ERBB4: variants seen among roughly 807,000 people sequenced by gnomAD.
ERBB4 encodes the protein receptor tyrosine-protein kinase erbB-4.
A neutral mutation model predicts 158.0 loss-of-function variants in ERBB4; 42 were observed. That is an observed-to-expected ratio of 0.27 (90% confidence interval 0.21 to 0.34). ERBB4 has a LOEUF of 0.34. Among genes scored for constraint, ERBB4 ranks in the 10% least tolerant of loss-of-function variants. ERBB4 has a pLI of 1.00. For missense variants in ERBB4, 1,333 were observed against 1,624.1 expected, an observed-to-expected ratio of 0.82 and a Z score of 3.08; for synonymous variants, 583 against 558.7, an observed-to-expected ratio of 1.04 and a Z score of -0.61.
At position 211,711,950 on chromosome 2, in the gene ERBB4, A is replaced by G. The variant is rs1049894126; in HGVS notation, c.1124+100T>C. 1.3e-5 allele frequency: 13 copies of G among 1,026,588 alleles called. No individual in the cohort carries two copies. The Admixed American group carries it at 2.5e-4, about 20-fold the overall frequency. 63.6% of individuals were successfully genotyped at this position (1,026,588 alleles called of 1,614,324 possible). On this transcript the variant is annotated intron_variant, in intron 9 of 27. Transcript: ENST00000342788. ...GTGAGGAGCATTAATGAAAGGTGAA[A>G]CTCTTCAGCTTCCAGAGGAATCAAA...
intron 2 of ERBB4, among the ~76,000 whole-genome samples, chr2:212,075,110 T>C (rs1475543242): frequency 6.6e-6 from 1 of 151,910 alleles, no homozygotes; most frequent in Non-Finnish European, 1.5e-5. Flanking sequence ...CATAAAACAA[T>C]TTAAGAAAGT....
At chr2:211,409,518 C>T (rs1418621158) in intron 25 of ERBB4, among the ~76,000 whole-genome samples, 2 of 152,118 alleles carry the variant, frequency 1.3e-5, no homozygotes, top group Admixed American at 6.6e-5. Flanking sequence ...GTTCTCCCTG[C>T]TTTTTTGCTC....
At chr2:212,131,641 C>T (rs2080109890) in intron 1 of ERBB4, among the ~76,000 whole-genome samples, 1 of 152,146 alleles carries the variant, frequency 6.6e-6, no homozygotes, top group African/African-American at 2.4e-5. Context: ...AGGATAGTAG[C>T]AGATTCTATC....
intron 2 of ERBB4, among the ~76,000 whole-genome samples, chr2:212,019,643 A>T (rs1429037948): frequency 6.6e-6 from 1 of 151,726 alleles, no homozygotes; most frequent in African/African-American, 2.4e-5. Context: ...GGCGCCTGTA[A>T]TCCCAGCTAC....
At chr2:212,011,282 C>T (rs757734707) in intron 2 of ERBB4, among the ~76,000 whole-genome samples, 2 of 152,172 alleles carry the variant, frequency 1.3e-5, no homozygotes, top group South Asian at 2.1e-4. Context: ...CTGGTCCCTC[C>T]GTTTGGGGGT....
chr2:211,966,690 G>GTATTA (rs1212998465), intron 2 of ERBB4, among the ~76,000 whole-genome samples: 1 of 151,988 alleles, frequency 6.6e-6, no homozygotes, highest in Non-Finnish European at 1.5e-5. Context: ...TATATTTTAA[G>GTATTA]TATTATATTA....
At chr2:211,754,859 C>T (rs960218867) in intron 4 of ERBB4, among the ~76,000 whole-genome samples, 11 of 151,216 alleles carry the variant, frequency 7.3e-5, no homozygotes, top group Non-Finnish European at 1.5e-4. Flanking sequence ...CACCACCACA[C>T]TGGCTAATTT....
chr2:211,580,102 G>GA (rs1261028212), intron 19 of ERBB4, among the ~76,000 whole-genome samples: 1 of 152,144 alleles, frequency 6.6e-6, no homozygotes, highest in Non-Finnish European at 1.5e-5. Flanking sequence ...TTGTTTTGAG[G>GA]AGAGTTCAAA....
At chr2:211,651,608 T>C (rs2105883559) in intron 16 of ERBB4, among the ~76,000 whole-genome samples, 1 of 147,180 alleles carries the variant, frequency 6.8e-6, no homozygotes, top group Non-Finnish European at 1.5e-5. Context: ...CCTTCATATC[T>C]GGGTCTATTG....
At chr2:212,480,613 T>C (rs1689645932) in intron 1 of ERBB4, among the ~76,000 whole-genome samples, 2 of 152,194 alleles carry the variant, frequency 1.3e-5, no homozygotes, top group African/African-American at 2.4e-5. Flanking sequence ...GTGAATTGAA[T>C]TGTAGTGTGC....
intron 1 of ERBB4, among the ~76,000 whole-genome samples, chr2:212,309,997 A>C (rs2106233731): frequency 6.6e-6 from 1 of 150,630 alleles, no homozygotes; most frequent in South Asian, 2.1e-4. Context: ...TAAGGCTCTA[A>C]CTCCCCAAAT....
chr2:212,228,360 TC>T (rs2105974728), intron 1 of ERBB4, among the ~76,000 whole-genome samples: 1 of 152,284 alleles, frequency 6.6e-6, no homozygotes, highest in African/African-American at 2.4e-5. Context: ...TGAAGCCTCC[TC>T]AGAGAACTCA....
At chr2:211,396,592 G>A (rs982211589) in intron 25 of ERBB4, among the ~76,000 whole-genome samples, 1 of 152,216 alleles carries the variant, frequency 6.6e-6, no homozygotes, top group Non-Finnish European at 1.5e-5. Flanking sequence ...AATATGAAGC[G>A]CACGGTTTGT....
At chr2:211,669,254 C>CA (rs1344467334) in intron 14 of ERBB4, among the ~76,000 whole-genome samples, 1 of 134,692 alleles carries the variant, frequency 7.4e-6, no homozygotes, top group Admixed American at 7.3e-5. Context: ...AAGAAAAAAG[C>CA]AAAAAACAAC....
intron 3 of ERBB4, among the ~76,000 whole-genome samples, chr2:211,864,243 C>G (rs1488891578): frequency 6.6e-6 from 1 of 152,228 alleles, no homozygotes; most frequent in Admixed American, 6.5e-5. Context: ...GCTATCTCCT[C>G]TATCCTTCCA....
At chr2:212,367,517 C>A (rs1033072614) in intron 1 of ERBB4, among the ~76,000 whole-genome samples, 3 of 152,090 alleles carry the variant, frequency 2.0e-5, no homozygotes, top group Non-Finnish European at 2.9e-5. Flanking sequence ...CCCTTCTAGA[C>A]ATTGGCTTAG....
chr2:211,422,134 A>G (rs1254943523), intron 23 of ERBB4, 30 bp from the exon 24 acceptor site: 1 of 1,372,348 alleles, frequency 7.3e-7, no homozygotes, highest in East Asian at 2.3e-5. Context: ...AAATGTCACT[A>G]TATTCGTAAC....
intron 2 of ERBB4, among the ~76,000 whole-genome samples, chr2:212,115,819 C>A (rs1441897202): frequency 6.6e-6 from 1 of 152,024 alleles, no homozygotes; most frequent in Non-Finnish European, 1.5e-5. Flanking sequence ...GTATTTTTCT[C>A]ATTTAAAATT....
At chr2:211,887,880 C>T (rs2078846303) in intron 3 of ERBB4, among the ~76,000 whole-genome samples, 1 of 152,148 alleles carries the variant, frequency 6.6e-6, no homozygotes, top group Non-Finnish European at 1.5e-5. Context: ...CACATTATTG[C>T]TGAATAAATG....
Sources: allele counts gnomAD v4.1 joint callset (sites outside exome capture counted in the v4.1 genomes callset), GRCh38; gene constraint gnomAD v4.1.1; transcripts MANE v1.5; gene names NCBI Gene and HGNC (gene_info 2026-07-23, HGNC 2026-07-21).